The following RHBDD1 variants were observed in gnomAD, a reference collection of about 807,000 sequenced individuals.
RHBDD1 encodes rhomboid-related protein 4.
Under a neutral mutation model 36.3 loss-of-function variants are expected in RHBDD1, and 38 were observed. The observed-to-expected ratio is 1.05, with a 90% CI of 0.81 to 1.37. The LOEUF is 1.37. Ranked by LOEUF, RHBDD1 falls within the 40% of genes most tolerant of loss-of-function variation. RHBDD1 has a pLI of 0.00. For synonymous variants in RHBDD1, 151 were observed against 136.5 expected, an observed-to-expected ratio of 1.11 and a Z score of -0.74; for missense variants, 393 against 377.6, an observed-to-expected ratio of 1.04 and a Z score of -0.34.
intron 1 of RHBDD1, 194 bp downstream of exon 1, chr2:226,836,281 AGCG>A (rs1178955838): frequency 1.3e-5 from 2 of 152,338 alleles, no homozygotes; most frequent in African/African-American, 4.8e-5. Flanking sequence ...CAAGTCCGAG[AGCG>A]GGGAGGGCGT....
chr2:226,922,327 C>T (rs1219513756), intron 8 of RHBDD1, among the ~76,000 whole-genome samples: 2 of 151,152 alleles, frequency 1.3e-5, no homozygotes, highest in Admixed American at 1.3e-4. Flanking sequence ...CCTGCCTCAG[C>T]CTCCCGAGTA....
intron 8 of RHBDD1, among the ~76,000 whole-genome samples, chr2:226,961,845 G>T (rs949472961): frequency 1.3e-5 from 2 of 152,124 alleles, no homozygotes; most frequent in Non-Finnish European, 2.9e-5. Context: ...CCTGTCACAG[G>T]TTCTATTGCT....
intron 3 of RHBDD1, among the ~76,000 whole-genome samples, chr2:226,853,823 T>G (rs1317231616): frequency 2.6e-5 from 4 of 152,198 alleles, no homozygotes; most frequent in African/African-American, 4.8e-5. Context: ...GACTGAAATT[T>G]CAGCATCCCC....
chr2:226,871,950 T>A (rs765723508), intron 5 of RHBDD1, among the ~76,000 whole-genome samples: 126 of 152,348 alleles, frequency 8.3e-4, no homozygotes, highest in Non-Finnish European at 1.1e-3. Flanking sequence ...TTGGACATCA[T>A]GCGGATAACT....
chr2:226,900,090 A>G (rs955022255), intron 5 of RHBDD1, among the ~76,000 whole-genome samples: 1 of 152,214 alleles, frequency 6.6e-6, no homozygotes, highest in Non-Finnish European at 1.5e-5. Context: ...ATGGAGTTCA[A>G]GGTATCTATG....
chr2:226,988,203 C>T (rs1465814747), intron 8 of RHBDD1: 2 of 802,734 alleles, frequency 2.5e-6, no homozygotes, highest in East Asian at 5.6e-5. Context: ...TTAAAACTTA[C>T]CCAAAGACAG....
At chr2:226,936,947 T>C (rs923819762) in intron 8 of RHBDD1, among the ~76,000 whole-genome samples, 1 of 152,136 alleles carries the variant, frequency 6.6e-6, no homozygotes, top group African/African-American at 2.4e-5. Flanking sequence ...AGTGAGGTCA[T>C]TGCTTTACTT....
At chr2:226,806,718 ATC>A in the RHBDD1 span, among the ~76,000 whole-genome samples, 50 of 152,200 alleles carry the variant, frequency 3.3e-4, no homozygotes, top group African/African-American at 1.2e-3. Flanking sequence ...ACTCTTTCTT[ATC>A]TCTCTTTCTC....
intron 8 of RHBDD1, among the ~76,000 whole-genome samples, chr2:226,972,746 C>T (rs1447395450): frequency 6.6e-6 from 1 of 152,184 alleles, no homozygotes; most frequent in East Asian, 1.9e-4. Flanking sequence ...CAGGGGCTCT[C>T]TGCTCACACT....
At chr2:226,840,288 A>G (rs943292596) in intron 3 of RHBDD1, among the ~76,000 whole-genome samples, 2 of 152,196 alleles carry the variant, frequency 1.3e-5, no homozygotes, top group Admixed American at 1.3e-4. Flanking sequence ...AGCAACAGAT[A>G]ATGGGCAAGA....
At chr2:226,916,962 C>T (rs979315783) in intron 8 of RHBDD1, among the ~76,000 whole-genome samples, 1 of 152,146 alleles carries the variant, frequency 6.6e-6, no homozygotes, top group Non-Finnish European at 1.5e-5. Context: ...CAGATGAAAG[C>T]ACCCTCTGAT....
At chr2:226,956,393 A>G (rs990087394) in intron 8 of RHBDD1, among the ~76,000 whole-genome samples, 1 of 152,150 alleles carries the variant, frequency 6.6e-6, no homozygotes, top group Non-Finnish European at 1.5e-5. Flanking sequence ...TAGCTGCAGG[A>G]GTAGGTTCCA....
At chr2:226,849,347 C>T (rs1942556008) in intron 3 of RHBDD1, among the ~76,000 whole-genome samples, 1 of 152,292 alleles carries the variant, frequency 6.6e-6, no homozygotes, top group South Asian at 2.1e-4. Flanking sequence ...ACCGGTGGAG[C>T]GAGCATATGT....
At chr2:226,818,001 G>C in the RHBDD1 span, among the ~76,000 whole-genome samples, 9 of 152,198 alleles carry the variant, frequency 5.9e-5, no homozygotes, top group South Asian at 1.9e-3. Context: ...TTATACAAAG[G>C]CTAGTTTAAA....
At chr2:226,902,257 A>C (rs1005991799) in intron 5 of RHBDD1, among the ~76,000 whole-genome samples, 8 of 152,232 alleles carry the variant, frequency 5.3e-5, no homozygotes, top group African/African-American at 1.9e-4. Flanking sequence ...TGATTGTAAC[A>C]ATACTGTCTG....
chr2:226,824,397 C>A, the RHBDD1 span, among the ~76,000 whole-genome samples: 23 of 152,244 alleles, frequency 1.5e-4, no homozygotes, highest in Middle Eastern at 3.4e-3. Flanking sequence ...GTAAAAAAAT[C>A]TTTTCCACTT....
At chr2:226,805,080 C>T in the RHBDD1 span, 1 of 152,060 alleles carries the variant, frequency 6.6e-6, no homozygotes, top group Admixed American at 6.6e-5. Context: ...ATTTCCTTAA[C>T]TATTATATTC....
chr2:226,917,688 T>C (rs1949011430), intron 8 of RHBDD1, among the ~76,000 whole-genome samples: 1 of 152,060 alleles, frequency 6.6e-6, no homozygotes, highest in African/African-American at 2.4e-5. Flanking sequence ...GTTTTTTTCT[T>C]CCCTTTTTTT....
intron 8 of RHBDD1, among the ~76,000 whole-genome samples, chr2:226,943,130 G>A (rs1479468742): frequency 1.3e-5 from 2 of 152,154 alleles, no homozygotes; most frequent in African/African-American, 4.8e-5. Flanking sequence ...CAGTTCTCCA[G>A]TGATTCAAAA....
Sources: allele counts gnomAD v4.1 joint callset (sites outside exome capture counted in the v4.1 genomes callset), GRCh38; gene constraint gnomAD v4.1.1; transcripts MANE v1.5; gene names NCBI Gene and HGNC (gene_info 2026-07-23, HGNC 2026-07-21).